The following SGCZ variants were observed in gnomAD, a reference collection of about 807,000 sequenced individuals.
SGCZ encodes the protein sarcoglycan zeta, also known as zeta-sarcoglycan.
A neutral mutation model predicts 41.3 loss-of-function variants in SGCZ; 40 were observed. The observed-to-expected ratio is 0.97, with a 90% CI of 0.75 to 1.26. The LOEUF (loss-of-function observed/expected upper bound fraction) is 1.26. Among genes scored for constraint, SGCZ ranks in the 50% most tolerant of loss-of-function variants. The pLI is 0.00. For synonymous variants in SGCZ, 206 were observed against 137.5 expected (o/e 1.50, Z -3.49); for missense variants, 552 against 369.8 (o/e 1.49, Z -4.04).
At chr8:15,035,298 T>A (rs1585496563) in intron 1 of SGCZ, among the ~76,000 whole-genome samples, 1 of 152,170 alleles carries the variant, frequency 6.6e-6, no homozygotes, top group East Asian at 1.9e-4. Context: ...AACTATAAAA[T>A]GCTTTATATA....
chr8:14,822,752 G>GAA (rs551582674), intron 1 of SGCZ, among the ~76,000 whole-genome samples: 8 of 148,096 alleles, frequency 5.4e-5, no homozygotes, highest in Admixed American at 1.3e-4. Flanking sequence ...AATTGTGCTG[G>GAA]AAAAAAAAAA....
chr8:14,262,700 A>G (rs941818480), intron 3 of SGCZ, among the ~76,000 whole-genome samples: 2 of 151,920 alleles, frequency 1.3e-5, no homozygotes, highest in Admixed American at 6.6e-5. Flanking sequence ...CCTTGAATAA[A>G]TAATACAAAA....
intron 1 of SGCZ, among the ~76,000 whole-genome samples, chr8:15,195,998 C>T (rs907057665): frequency 1.5e-5 from 2 of 133,918 alleles, no homozygotes; most frequent in African/African-American, 2.8e-5. Context: ...CCCGGGTTCA[C>T]GCCATTCTCC....
At chr8:14,813,679 C>G (rs1286515696) in intron 1 of SGCZ, among the ~76,000 whole-genome samples, 1 of 152,072 alleles carries the variant, frequency 6.6e-6, no homozygotes, top group African/African-American at 2.4e-5. Flanking sequence ...AGGCCGCGAG[C>G]AGTGGCTCAC....
rs1799054600 is a variant in SGCZ, at chr8:14,736,960, T to C, written c.40-182034A>G. 2.0e-5 allele frequency among the ~76,000 whole-genome samples: 3 copies of C among 151,492 alleles called. No individual in the cohort carries two copies. In the South Asian group the frequency reaches 6.2e-4, roughly 31 times the overall value. ...AGCAGCACAATTCACAATTGCAAAA[T>C]TGTGGAACCAAACCAAATCCACATC... On this transcript the variant is annotated intron_variant, in intron 1 of 7. Coordinates refer to ENST00000382080, the MANE Select transcript of SGCZ (RefSeq NM_139167.4).
intron 2 of SGCZ, among the ~76,000 whole-genome samples, chr8:14,475,579 G>C (rs1370006188): frequency 6.6e-6 from 1 of 152,014 alleles, no homozygotes; most frequent in Non-Finnish European, 1.5e-5. Context: ...CTTGTTTTAT[G>C]TCTTTATTGG....
At chr8:15,075,891 A>G (rs1299960409) in intron 1 of SGCZ, among the ~76,000 whole-genome samples, 1 of 152,124 alleles carries the variant, frequency 6.6e-6, no homozygotes, top group South Asian at 2.1e-4. Flanking sequence ...AATCACTGAT[A>G]AGTACTAGGC....
chr8:14,637,356 T>G (rs1248914010), intron 1 of SGCZ, among the ~76,000 whole-genome samples: 2 of 151,874 alleles, frequency 1.3e-5, no homozygotes, highest in East Asian at 3.9e-4. Flanking sequence ...GGAGTACACG[T>G]GCAGGTTTGT....
At chr8:14,785,260 A>G (rs972732578) in intron 1 of SGCZ, among the ~76,000 whole-genome samples, 1 of 151,898 alleles carries the variant, frequency 6.6e-6, no homozygotes, top group African/African-American at 2.4e-5. Context: ...TTTATCCAAT[A>G]AAAGTTATTT....
intron 1 of SGCZ, among the ~76,000 whole-genome samples, chr8:15,215,659 A>G (rs1301211776): frequency 2.0e-5 from 3 of 152,130 alleles, no homozygotes; most frequent in Non-Finnish European, 4.4e-5. Context: ...CAAATTACAA[A>G]ACTTCATTGC....
At chr8:14,212,864 GTTTA>G (rs1805864025) in intron 4 of SGCZ, among the ~76,000 whole-genome samples, 1 of 151,802 alleles carries the variant, frequency 6.6e-6, no homozygotes, top group Admixed American at 6.6e-5. Flanking sequence ...AAAAAATAGA[GTTTA>G]TTTAAAAATA....
At chr8:14,495,795 G>C (rs1169488104) in intron 2 of SGCZ, among the ~76,000 whole-genome samples, 1 of 151,952 alleles carries the variant, frequency 6.6e-6, no homozygotes, top group Non-Finnish European at 1.5e-5. Context: ...TTGAAAAACT[G>C]TATTTTTGAA....
At chr8:14,245,040 C>A (rs1268163087) in intron 3 of SGCZ, among the ~76,000 whole-genome samples, 2 of 152,146 alleles carry the variant, frequency 1.3e-5, no homozygotes, top group African/African-American at 4.8e-5. Context: ...CATCTGCAAA[C>A]TGGGACAATT....
intron 2 of SGCZ, among the ~76,000 whole-genome samples, chr8:14,454,610 T>A (rs1800690086): frequency 6.6e-6 from 1 of 152,006 alleles, no homozygotes; most frequent in Non-Finnish European, 1.5e-5. Flanking sequence ...AAAAGAAATA[T>A]GTGAAGGAAA....
intron 7 of SGCZ, among the ~76,000 whole-genome samples, chr8:14,092,950 T>A (rs947911223): frequency 6.6e-6 from 1 of 152,020 alleles, no homozygotes; most frequent in African/African-American, 2.4e-5. Context: ...CTTTGCTAAA[T>A]CTTCTAACTT....
chr8:14,830,222 A>G (rs1199084330), intron 1 of SGCZ, among the ~76,000 whole-genome samples: 1 of 152,064 alleles, frequency 6.6e-6, no homozygotes, highest in Non-Finnish European at 1.5e-5. Flanking sequence ...GTTACTTAGA[A>G]GTATATTAGG....
chr8:14,421,906 A>G lies in SGCZ; in HGVS notation c.235-97702T>C, dbSNP rs1037544327. On this transcript the variant is annotated intron_variant, in intron 2 of 7. Coordinates refer to ENST00000382080, the MANE Select transcript of SGCZ (RefSeq NM_139167.4). ...TGCAATGTAACATTTTAAGAATGTT[A>G]GTGGGAAGCTTATGGGCCAAGACTT... is the stretch of plus-strand genomic sequence containing the variant. 1.4e-4 allele frequency among the ~76,000 whole-genome samples: 22 copies of G among 152,286 alleles called. No individual in the cohort carries two copies. In the East Asian group the frequency reaches 2.5e-3, roughly 17 times the overall value.
At chr8:14,112,372 G>C (rs1430905194) in intron 5 of SGCZ, among the ~76,000 whole-genome samples, 2 of 148,998 alleles carry the variant, frequency 1.3e-5, no homozygotes, top group East Asian at 2.3e-4. Flanking sequence ...AGAGTCCATG[G>C]GGCAAAGGTT....
chr8:14,304,222 C>T lies in SGCZ; in HGVS notation c.336+19881G>A, dbSNP rs539871973. 1.3e-4 allele frequency among the ~76,000 whole-genome samples: 19 copies of T among 151,940 alleles called. No homozygotes were observed. In the South Asian group the frequency reaches 3.5e-3, roughly 28 times the overall value. On this transcript the variant is annotated intron_variant, in intron 3 of 7. Transcript: ENST00000382080. ...CTCTAGGAGGCTGAGGCAGGAGGATCGCTTGAGCCCAGGAGTTCGAGACCA... is the reference window on the plus strand; with the variant it reads ...CTCTAGGAGGCTGAGGCAGGAGGATTGCTTGAGCCCAGGAGTTCGAGACCA...
Sources: allele counts gnomAD v4.1 joint callset (sites outside exome capture counted in the v4.1 genomes callset), GRCh38; gene constraint gnomAD v4.1.1; transcripts MANE v1.5; gene names NCBI Gene and HGNC (gene_info 2026-07-23, HGNC 2026-07-21).